Variants in CDK13 observed in about 807,000 individuals in gnomAD.
The protein encoded by CDK13 is cyclin dependent kinase 13, also known as cyclin-dependent kinase 13.
A neutral mutation model predicts 137.6 loss-of-function variants in CDK13; 40 were observed. The observed-to-expected ratio is 0.29, with a 90% CI of 0.23 to 0.38. CDK13 has a LOEUF of 0.38. Among genes scored for constraint, CDK13 ranks in the 10% least tolerant of loss-of-function variants. The pLI, the probability that CDK13 is intolerant of heterozygous loss-of-function variation, is 1.00. For synonymous variants in CDK13, 869 were observed against 760.1 expected (o/e 1.14, Z -2.36); for missense variants, 1,704 against 1,951.8 (o/e 0.87, Z 2.39).
intron 1 of CDK13, among the ~76,000 whole-genome samples, chr7:39,968,593 T>A (rs147280005): frequency 1.3e-5 from 2 of 152,356 alleles, no homozygotes; most frequent in East Asian, 3.9e-4. Context: ...TCTTGGCTAC[T>A]TTGCCAAAAA....
At chr7:40,038,003 C>G (rs1370251346) in intron 5 of CDK13, among the ~76,000 whole-genome samples, 1 of 151,826 alleles carries the variant, frequency 6.6e-6, no homozygotes, top group African/African-American at 2.4e-5. Flanking sequence ...GCTTTTTTTC[C>G]CTTTTTGATT....
intron 1 of CDK13, chr7:39,952,757 T>G (rs1787272544): frequency 6.6e-6 from 1 of 152,244 alleles, no homozygotes; most frequent in Non-Finnish European, 1.5e-5. Flanking sequence ...TCAGGATCTT[T>G]GTCCAGAAAT....
In CDK13 at chr7:40,097,387, T is replaced by C. The variant is rs1787070402; in HGVS notation, c.*2407T>C. The C allele has an allele frequency of 6.6e-6, 1 of 152,074 alleles. No individual in the cohort carries two copies. The highest frequency in any genetic ancestry group is 2.1e-4 in the South Asian group (1 of 4,834). The allele number at this position is 152,074 out of a possible 1,614,324, so 9.4% of individuals were successfully genotyped here. A position where few individuals can be genotyped will look rare whatever the true frequency, so the allele number is the denominator to read the frequency against. On this transcript the variant is annotated 3_prime_UTR_variant, in exon 14 of 14. Coordinates refer to ENST00000181839, the MANE Select transcript of CDK13 (RefSeq NM_003718.5). ...GTAAGCTGCATCCCAGATTCAGACA[T>C]ATTATATGAAAATATGTCTTATAAT...
At chr7:40,091,889 T>TTATAGTTACCATATATGG (rs1786932493) in intron 12 of CDK13, among the ~76,000 whole-genome samples, 1 of 152,214 alleles carries the variant, frequency 6.6e-6, no homozygotes, top group Non-Finnish European at 1.5e-5. Context: ...CATTGCAGTC[T>TTATAGTTACCATATATGG]TATAGTTACC....
Position 39,950,925 on chromosome 7 carries a change from G to A in CDK13, c.284G>A (p.Gly95Asp). ...CTGGAGGTCAAGCGGCTGGCGAGAG[G>A]CAAGAGGCGCGCAGGAGGGCGGCAG... The part of the protein sequence containing the change: ...PPLEVKRLAR[G>D]KRRAGGRQKR... The change falls in exon 1 of 14, where the codon GGC (glycine) becomes GAC (aspartate). Residue 95 changes from glycine to aspartate, a missense_variant. Physicochemically the swap from Gly to Asp is moderately conservative, Grantham distance 94. Coordinates refer to ENST00000181839, the MANE Select transcript of CDK13 (RefSeq NM_003718.5). 1 of 1,321,016 alleles carries A rather than the reference G, an allele frequency of 7.6e-7. No individual in the cohort carries two copies. The highest frequency in any genetic ancestry group is 9.6e-7 in the Non-Finnish European group (1 of 1,041,082). 81.8% of individuals were successfully genotyped at this position (1,321,016 alleles called of 1,614,324 possible).
chr7:39,999,234 GATAAAT>G, intron 3 of CDK13, 121 bp from the exon 4 acceptor site: 1 of 688,794 alleles, frequency 1.5e-6, no homozygotes, highest in Non-Finnish European at 2.3e-6. Context: ...GATAGATGAT[GATAAAT>G]ACTGCAAGGG....
intron 3 of CDK13, 140 bp downstream of exon 3, chr7:39,997,804 T>C: frequency 1.6e-6 from 1 of 634,136 alleles, no homozygotes; most frequent in Non-Finnish European, 2.6e-6. Context: ...TCTATTAGAG[T>C]TTTGAAAAAA....
Position 39,950,570 on chromosome 7 carries a change from C to T in CDK13, c.-72C>T, listed in dbSNP as rs958558494. 1.4e-5 allele frequency: 18 copies of T among 1,271,684 alleles called. No homozygotes were observed. The African/African-American group carries it at 2.0e-4, about 14-fold the overall frequency. 78.8% of individuals were successfully genotyped at this position (1,271,684 alleles called of 1,614,324 possible). ...CCTCCGCCGCCGCTCCCGTTTCCGG[C>T]GGGGGAGATGGCCAGGATCTGACCC... is the stretch of plus-strand genomic sequence containing the variant. On this transcript the variant is annotated 5_prime_UTR_variant, in exon 1 of 14. Transcript: ENST00000181839.
At chr7:39,990,723 C>T (rs965313813) in intron 2 of CDK13, among the ~76,000 whole-genome samples, 4 of 152,152 alleles carry the variant, frequency 2.6e-5, no homozygotes, top group African/African-American at 9.7e-5. Flanking sequence ...TCTTTCTGTG[C>T]CCCAGTCCAT....
chr7:40,079,266 A>G (rs534222883), intron 11 of CDK13, among the ~76,000 whole-genome samples: 1 of 152,328 alleles, frequency 6.6e-6, no homozygotes, highest in Admixed American at 6.5e-5. Context: ...TAAAATTACA[A>G]AAATTAGCCA....
At chr7:39,986,837 GAATGTAATTTTTTA>G (rs1278073656) in intron 1 of CDK13, 1 of 152,172 alleles carries the variant, frequency 6.6e-6, no homozygotes, top group Non-Finnish European at 1.5e-5. Context: ...TACTGTGTGT[GAATGTAATTTTTTA>G]ATTTTTTTGA....
Position 40,024,645 on chromosome 7 carries a change from G to GTTTTTTTTTTTTTTTTTTT in CDK13, c.2354-21176_2354-21158dup, listed in dbSNP as rs58010602. ...TCTTCCAAGATATCTGTAGCTCTGT[G>GTTTTTTTTTTTTTTTTTTT]TTTTTTTTTTTTTTTTTTTTTTTTT... is the stretch of plus-strand genomic sequence containing the variant. On this transcript the variant is annotated intron_variant, in intron 5 of 13. Coordinates refer to ENST00000181839, the MANE Select transcript of CDK13 (RefSeq NM_003718.5). 8.0e-5 allele frequency among the ~76,000 whole-genome samples: 4 copies of GTTTTTTTTTTTTTTTTTTT among 50,264 alleles called. 1 individual carries two copies. Among genetic ancestry groups the GTTTTTTTTTTTTTTTTTTT allele is most frequent in the African/African-American group, 3.3e-4 (4 of 11,960 alleles). 33.0% of individuals were successfully genotyped at this position (50,264 alleles called of 152,430 possible). A position where few individuals can be genotyped will look rare whatever the true frequency, so the allele number is the denominator to read the frequency against.
chr7:40,084,025 T>C (rs1268594460), intron 11 of CDK13, among the ~76,000 whole-genome samples: 1 of 152,134 alleles, frequency 6.6e-6, no homozygotes, highest in East Asian at 1.9e-4. Flanking sequence ...AATAATCAAA[T>C]GAGAGAATGG....
At chr7:40,048,427 A>AT (rs1785798157) in intron 7 of CDK13, 1 of 152,190 alleles carries the variant, frequency 6.6e-6, no homozygotes, top group Non-Finnish European at 1.5e-5. Flanking sequence ...GATTTGTCTT[A>AT]TTAAAACTAA....
At chr7:40,074,173 T>A (rs1336332764) in intron 9 of CDK13, among the ~76,000 whole-genome samples, 1 of 152,200 alleles carries the variant, frequency 6.6e-6, no homozygotes, top group Non-Finnish European at 1.5e-5. Flanking sequence ...GTGCTGTGAT[T>A]AGAGGCATGA....
At chr7:40,074,522 CA>C (rs34228836) in intron 9 of CDK13, among the ~76,000 whole-genome samples, 748 of 78,064 alleles carry the variant, frequency 9.6e-3, no homozygotes, top group African/African-American at 0.015. Flanking sequence ...GACACCATCT[CA>C]AAAAAAAAAA....
intron 1 of CDK13, among the ~76,000 whole-genome samples, chr7:39,973,294 A>C (rs1322920489): frequency 1.3e-5 from 2 of 151,820 alleles, no homozygotes. Flanking sequence ...ACGCCACCAC[A>C]CCTGGCTAAT....
Position 39,996,987 on chromosome 7 carries a change from A to AAAAAAAAAAC in CDK13, c.1872-506_1872-505insAAAAAAAACA, listed in dbSNP as rs1562719405. ...AAAAAAAAAAAAAAAGAAAAAAAAA[A>AAAAAAAAAAC]AGAAAAATGCTTTGCAAAACTGAGT... On this transcript the variant is annotated intron_variant, in intron 2 of 13. Coordinates refer to ENST00000181839, the MANE Select transcript of CDK13 (RefSeq NM_003718.5). 4.0e-5 allele frequency among the ~76,000 whole-genome samples: 6 copies of AAAAAAAAAAC among 150,938 alleles called. 1 individual carries two copies. The highest frequency in any genetic ancestry group is 1.2e-4 in the African/African-American group (5 of 40,806).
chr7:40,088,210 C>T lies in CDK13; in HGVS notation c.3114C>T (p.Ser1038=). 1 of 1,613,736 alleles carries T rather than the reference C, an allele frequency of 6.2e-7. No homozygotes were observed. Among genetic ancestry groups the T allele is most frequent in the African/African-American group, 1.3e-5 (1 of 74,874 alleles). ...QKQMGMTDDV[S]TIKAPRKDLS... is the part of the protein sequence containing the mutation. ...AGATGGGCATGACTGATGATGTTTC[C>T]ACAATTAAAGCCCCCAGGAAGGACT... The change falls in exon 12 of 14, where the codon TCC becomes TCT. Residue 1038 remains serine (S), a synonymous_variant. Transcript: ENST00000181839.
Sources: gnomAD v4.1 joint callset for allele counts (sites outside exome capture counted in the v4.1 genomes callset) on GRCh38, gnomAD v4.1.1 for gene constraint, MANE v1.5 for transcripts, NCBI Gene and HGNC (gene_info 2026-07-23, HGNC 2026-07-21) for gene names.